The following SWT1 variants were observed in gnomAD, a reference collection of about 807,000 sequenced individuals.
SWT1 encodes the protein SWT1 RNA endoribonuclease homolog.
Under a neutral mutation model 107.3 loss-of-function variants are expected in SWT1, and 33 were observed. The ratio of observed to expected loss-of-function variants is 0.31; its 90% CI spans 0.23 to 0.41. The LOEUF (loss-of-function observed/expected upper bound fraction) is 0.41, where lower values mean the gene tolerates loss of function less well. Among genes scored for constraint, SWT1 ranks in the 10% least tolerant of loss-of-function variants. The pLI, the probability that SWT1 is intolerant of heterozygous loss-of-function variation, is 1.00. For synonymous variants in SWT1, 345 were observed against 348.3 expected (o/e 0.99, Z 0.11); for missense variants, 898 against 1,028.9 (o/e 0.87, Z 1.74).
intron 16 of SWT1, among the ~76,000 whole-genome samples, chr1:185,257,089 G>A (rs925287100): frequency 1.3e-5 from 2 of 152,134 alleles, no homozygotes; most frequent in Admixed American, 6.5e-5. Context: ...CAGTTAGGCT[G>A]CTCGGGGGTC....
At chr1:185,181,912 T>C in intron 6 of SWT1, 34 bp from the exon 7 acceptor site, 1 of 1,611,354 alleles carries the variant, frequency 6.2e-7, no homozygotes, top group Non-Finnish European at 8.5e-7. Flanking sequence ...GCAAAGTAAC[T>C]CAAAATATTT....
intron 15 of SWT1, among the ~76,000 whole-genome samples, chr1:185,224,347 G>A (rs1659894626): frequency 6.6e-6 from 1 of 151,744 alleles, no homozygotes; most frequent in Non-Finnish European, 1.5e-5. Flanking sequence ...ATAGCTTTGT[G>A]GTATATTTTG....
chr1:185,214,528 C>A lies in SWT1; in HGVS notation c.1994C>A (p.Thr665Lys). The A allele has an allele frequency of 6.2e-7, 1 of 1,609,382 alleles. No homozygotes were observed. Among genetic ancestry groups the A allele is most frequent in the Non-Finnish European group, 8.5e-7 (1 of 1,178,090 alleles). The change falls in exon 14 of 19, where the codon ACA becomes AAA. Residue 665 changes from threonine (T) to lysine (K), a missense_variant. Thr to Lys is a moderately conservative substitution (Grantham distance 78, BLOSUM62 -1). Coordinates refer to ENST00000367500, the MANE Select transcript of SWT1 (RefSeq NM_017673.7). ...CCAGCTAATAAGGCAGTGGATTTTA[C>A]AACAGTCAAATTCTTGCTTCAGGAT... ...LRKANKAVDF[T>K]TVKFLLQDSR...
intron 2 of SWT1, among the ~76,000 whole-genome samples, chr1:185,164,029 A>C (rs1571386543): frequency 6.6e-6 from 1 of 152,216 alleles, no homozygotes; most frequent in East Asian, 1.9e-4. Context: ...GTGAAAGTTA[A>C]AGTTAGACTC....
chr1:185,176,584 A>C, intron 5 of SWT1: 1 of 982,470 alleles, frequency 1.0e-6, no homozygotes, highest in Non-Finnish European at 1.2e-6. Flanking sequence ...CTTCAAGAGA[A>C]CTTTCAGAAC....
At chr1:185,213,191 C>T (rs1368511469) in intron 13 of SWT1, among the ~76,000 whole-genome samples, 1 of 152,128 alleles carries the variant, frequency 6.6e-6, no homozygotes, top group Non-Finnish European at 1.5e-5. Flanking sequence ...CCTCATTAAA[C>T]ATATGTTACA....
rs150156804 is a variant in SWT1 at position 185,285,879 on chromosome 1, T to A, written c.2574-4795T>A. 7.4e-4 allele frequency among the ~76,000 whole-genome samples: 113 copies of A among 152,332 alleles called. 2 individuals are homozygous for A. In the East Asian group the frequency reaches 0.02, roughly 27 times the overall value. ...ATCAGTTGACCATATATGTGAGGGT[T>A]TACTTCAGAACTTTTAGTTCTGATT... is the stretch of plus-strand genomic sequence containing the variant. On this transcript the variant is annotated intron_variant, in intron 18 of 18. Transcript: ENST00000367500.
chr1:185,197,606 G>C (rs1393754228), intron 10 of SWT1, among the ~76,000 whole-genome samples: 1 of 152,062 alleles, frequency 6.6e-6, no homozygotes, highest in African/African-American at 2.4e-5. Context: ...TTGGTTGGTA[G>C]GCTATTAATT....
At chr1:185,227,398 T>C in intron 15 of SWT1, 1 of 689,122 alleles carries the variant, frequency 1.5e-6, no homozygotes. Context: ...AGCAGGCCAG[T>C]ACAATATGCC....
intron 16 of SWT1, among the ~76,000 whole-genome samples, chr1:185,267,383 A>G (rs941294147): frequency 2.0e-5 from 3 of 152,214 alleles, no homozygotes; most frequent in Non-Finnish European, 2.9e-5. Context: ...GGGCTACGTA[A>G]TTAAATTCAG....
At chr1:185,192,750 C>G (rs939139909) in intron 10 of SWT1, among the ~76,000 whole-genome samples, 3 of 151,228 alleles carry the variant, frequency 2.0e-5, no homozygotes, top group African/African-American at 7.3e-5. Context: ...TGGGTTCAAG[C>G]GATTCTCCTG....
At chr1:185,256,533 A>G (rs1215544357) in intron 16 of SWT1, among the ~76,000 whole-genome samples, 1 of 147,756 alleles carries the variant, frequency 6.8e-6, no homozygotes, top group Non-Finnish European at 1.5e-5. Context: ...CATTCATTTC[A>G]TCTTCCATTG....
rs181604164 is a variant in SWT1 at position 185,188,633 on chromosome 1, G to A, written c.1430-1916G>A. On this transcript the variant is annotated intron_variant, in intron 9 of 18. Transcript: ENST00000367500. The stretch of plus-strand genomic sequence containing the variant: ...TGCTTAGCATGGCACAAATTAAACC[G>A]TATATAAGTATTTATTGCATGAACG... 2.7e-3 allele frequency among the ~76,000 whole-genome samples: 412 copies of A among 152,244 alleles called. 1 individual carries two copies. The highest frequency in any genetic ancestry group is 9.4e-3 in the African/African-American group (392 of 41,538).
At chr1:185,290,423 T>G (rs1665185569) in intron 18 of SWT1, among the ~76,000 whole-genome samples, 1 of 152,146 alleles carries the variant, frequency 6.6e-6, no homozygotes. Flanking sequence ...AAAAAAGTTT[T>G]TTTTTAAATA....
intron 16 of SWT1, among the ~76,000 whole-genome samples, chr1:185,259,046 G>C (rs1301400741): frequency 2.0e-5 from 3 of 151,854 alleles, no homozygotes; most frequent in Non-Finnish European, 4.4e-5. Flanking sequence ...CTTATTTTCT[G>C]ATTCACTAAA....
chr1:185,228,534 A>G (rs1051283896), intron 15 of SWT1, among the ~76,000 whole-genome samples: 4 of 152,096 alleles, frequency 2.6e-5, no homozygotes, highest in African/African-American at 9.7e-5. Flanking sequence ...AAAAAGATAC[A>G]TTTTCAAGTG....
intron 16 of SWT1, among the ~76,000 whole-genome samples, chr1:185,251,040 G>GA (rs1455661372): frequency 6.6e-6 from 1 of 152,114 alleles, no homozygotes; most frequent in Non-Finnish European, 1.5e-5. Flanking sequence ...TCTTGAAACT[G>GA]AAAAACCATT....
At chr1:185,222,506 C>T (rs1659733390) in intron 15 of SWT1, among the ~76,000 whole-genome samples, 2 of 152,036 alleles carry the variant, frequency 1.3e-5, no homozygotes, top group Admixed American at 6.6e-5. Context: ...CCCATAGTCC[C>T]AGCACTTCGG....
chr1:185,235,407 C>T lies in SWT1; in HGVS notation c.2441+3699C>T, dbSNP rs145851288. Reference sequence around the variant, plus strand: ...TCCCTGAGATGCAAGGCTGGTTCAACATACGCAATTCAATAAATGTAATCC... The same window carrying T: ...TCCCTGAGATGCAAGGCTGGTTCAATATACGCAATTCAATAAATGTAATCC... On this transcript the variant is annotated intron_variant, in intron 16 of 18. Transcript: ENST00000367500. Among the ~76,000 whole-genome samples, 1,194 of 152,270 alleles carry T rather than the reference C, an allele frequency of 7.8e-3. 15 individuals carry two copies. The highest frequency in any genetic ancestry group is 0.026 in the African/African-American group (1,061 of 41,546).
Sources: gnomAD v4.1 joint callset for allele counts (sites outside exome capture counted in the v4.1 genomes callset) on GRCh38, gnomAD v4.1.1 for gene constraint, MANE v1.5 for transcripts, NCBI Gene and HGNC (gene_info 2026-07-23, HGNC 2026-07-21) for gene names.